The following TC2N variants were observed in gnomAD, a reference collection of about 807,000 sequenced individuals.
TC2N encodes tandem C2 domains nuclear protein.
A neutral mutation model predicts 61.9 loss-of-function variants in TC2N; 51 were observed. The observed-to-expected ratio is 0.82, with a 90% confidence interval of 0.66 to 1.04. TC2N has a LOEUF of 1.04. Among genes scored for constraint, TC2N ranks in the 50% least tolerant of loss-of-function variants. TC2N has a pLI of 0.00. For missense variants in TC2N, 556 were observed against 566.7 expected (o/e 0.98, Z 0.19); for synonymous variants, 204 against 192.6 (o/e 1.06, Z -0.49).
At chr14:91,815,559 C>A (rs1886969898) in intron 1 of TC2N, among the ~76,000 whole-genome samples, 1 of 151,592 alleles carries the variant, frequency 6.6e-6, no homozygotes, top group Non-Finnish European at 1.5e-5. Context: ...AAATGCACTG[C>A]CTTCATTTAT....
chr14:91,817,423 T>TA lies in TC2N; in HGVS notation c.-56-3599dup, dbSNP rs948570954. 3.9e-3 allele frequency among the ~76,000 whole-genome samples: 569 copies of TA among 146,548 alleles called. 2 individuals carry two copies. Among genetic ancestry groups the TA allele is most frequent in the African/African-American group, 0.012 (497 of 40,190 alleles). The stretch of plus-strand genomic sequence containing the variant: ...CTCATCTCTAAATGTCTAGTGTCTT[T>TA]AAAAAAAAAAAGTTTAACATTTTTC... On this transcript the variant is annotated intron_variant, in intron 1 of 11. Coordinates refer to ENST00000435962, the MANE Select transcript of TC2N (RefSeq NM_001128596.3).
chr14:91,856,209 C>T (rs1254416417), intron 1 of TC2N, among the ~76,000 whole-genome samples: 1 of 152,098 alleles, frequency 6.6e-6, no homozygotes, highest in Non-Finnish European at 1.5e-5. Flanking sequence ...CTTTTAAGGG[C>T]CAGGCGTCCT....
At chr14:91,846,588 G>C (rs1353657816) in intron 1 of TC2N, among the ~76,000 whole-genome samples, 1 of 152,166 alleles carries the variant, frequency 6.6e-6, no homozygotes, top group South Asian at 2.1e-4. Context: ...CTGGAGTAAA[G>C]CTCCCACGTG....
At chr14:91,802,648 C>T (rs1486834296) in intron 3 of TC2N, among the ~76,000 whole-genome samples, 1 of 151,956 alleles carries the variant, frequency 6.6e-6, no homozygotes, top group Non-Finnish European at 1.5e-5. Context: ...ATATTTCTGG[C>T]ATTTTTCTTT....
At chr14:91,853,347 G>A (rs1888411628) in intron 1 of TC2N, among the ~76,000 whole-genome samples, 1 of 152,100 alleles carries the variant, frequency 6.6e-6, no homozygotes, top group Non-Finnish European at 1.5e-5. Context: ...GTGTAGGAGT[G>A]AAGGTGCCAG....
chr14:91,802,336 T>C lies in TC2N; in HGVS notation c.387A>G (p.Pro129=), dbSNP rs1372670380. 1 of 1,610,524 alleles carries C rather than the reference T, an allele frequency of 6.2e-7. No individual in the cohort carries two copies. The highest frequency in any genetic ancestry group is 8.5e-7 in the Non-Finnish European group (1 of 1,178,870). Residue 129 remains proline (P), a synonymous_variant, in exon 4 of 12, where the codon CCA becomes CCG. Coordinates refer to ENST00000435962, the MANE Select transcript of TC2N (RefSeq NM_001128596.3). ...QHGPSYDVYN[P]FYMYQHISPD... ...GTGAAATGTGCTGATACATATAGAA[T>C]GGGTTATACACATCATAGCTAGGTC...
intron 1 of TC2N, among the ~76,000 whole-genome samples, chr14:91,862,582 C>A (rs1009223515): frequency 1.3e-5 from 2 of 152,196 alleles, no homozygotes; most frequent in South Asian, 2.1e-4. Flanking sequence ...AGGATGGAAG[C>A]CTCCTGCTGC....
intron 8 of TC2N, 95 bp downstream of exon 8, chr14:91,797,690 A>G (rs1885963097): frequency 2.4e-6 from 2 of 824,902 alleles, no homozygotes; most frequent in African/African-American, 1.8e-5. Flanking sequence ...CTAAGATAAA[A>G]GACTTTCTTA....
At chr14:91,801,070 A>G (rs923739578) in intron 4 of TC2N, among the ~76,000 whole-genome samples, 14 of 121,866 alleles carry the variant, frequency 1.1e-4, no homozygotes, top group African/African-American at 2.9e-4. Flanking sequence ...ATACATATAT[A>G]TGTGTGTGTG....
At chr14:91,816,650 C>A (rs968249308) in intron 1 of TC2N, among the ~76,000 whole-genome samples, 1 of 151,836 alleles carries the variant, frequency 6.6e-6, no homozygotes, top group Non-Finnish European at 1.5e-5. Flanking sequence ...CCCATGTTTT[C>A]TTCCAGTACT....
intron 1 of TC2N, among the ~76,000 whole-genome samples, chr14:91,846,461 A>T (rs745666187): frequency 3.9e-5 from 6 of 152,148 alleles, no homozygotes; most frequent in African/African-American, 1.4e-4. Context: ...CCTCGGCTGC[A>T]CTGGCTTCAC....
rs545502486 is a variant in TC2N at position 91,805,400 on chromosome 14, G to A, written c.302-2979C>T. ...TTTAAAAGTTTAGGCCAGGCATGGC[G>A]GCTTACGCCTGTAATCCCAGCACTT... On this transcript the variant is annotated intron_variant, in intron 3 of 11. Coordinates refer to ENST00000435962, the MANE Select transcript of TC2N (RefSeq NM_001128596.3). Among the ~76,000 whole-genome samples, 12 of 152,334 alleles carry A rather than the reference G, an allele frequency of 7.9e-5. No homozygotes were observed. In the East Asian group the frequency reaches 9.6e-4, roughly 12 times the overall value.
At position 91,790,351 on chromosome 14, in the gene TC2N, T is replaced by C. The variant is rs561465907; in HGVS notation, c.1047+2016A>G. Among the ~76,000 whole-genome samples the C allele has an allele frequency of 5.9e-5, 9 of 152,322 alleles. No homozygotes were observed. The South Asian group carries it at 1.7e-3, about 28-fold the overall frequency. On this transcript the variant is annotated intron_variant, in intron 9 of 11. Coordinates refer to ENST00000435962, the MANE Select transcript of TC2N (RefSeq NM_001128596.3). ...GTGTGGATGGGAAAGTACGGCTCTT[T>C]AGACATCACTATTAGAATATTTATT... is the stretch of plus-strand genomic sequence containing the variant.
chr14:91,807,285 T>C (rs1180435389), intron 3 of TC2N, among the ~76,000 whole-genome samples: 1 of 152,124 alleles, frequency 6.6e-6, no homozygotes, highest in Non-Finnish European at 1.5e-5. Flanking sequence ...CTAGTAGAGC[T>C]GTGAGAAGAA....
intron 1 of TC2N, among the ~76,000 whole-genome samples, chr14:91,816,623 A>C (rs915587907): frequency 6.6e-6 from 1 of 151,916 alleles, no homozygotes; most frequent in Non-Finnish European, 1.5e-5. Flanking sequence ...GTGTTATACA[A>C]ATCATAAAAT....
At chr14:91,795,298 G>A (rs886745160) in intron 8 of TC2N, among the ~76,000 whole-genome samples, 23 of 152,272 alleles carry the variant, frequency 1.5e-4, no homozygotes, top group African/African-American at 5.5e-4. Flanking sequence ...AGCAACAGCA[G>A]GGTTTGAGAG....
intron 1 of TC2N, among the ~76,000 whole-genome samples, chr14:91,835,575 T>C (rs1324992497): frequency 6.6e-6 from 1 of 151,856 alleles, no homozygotes; most frequent in Non-Finnish European, 1.5e-5. Context: ...CCCAGATGTC[T>C]ATCGGTGTGC....
rs545061061 is a variant in TC2N at position 91,780,374 on chromosome 14, G to T, written c.*2726C>A. On this transcript the variant is annotated 3_prime_UTR_variant, in exon 12 of 12. Coordinates refer to ENST00000435962, the MANE Select transcript of TC2N (RefSeq NM_001128596.3). ...TATTTAAACAGAACTTCAGTTTAGG[G>T]TCTTTTCAGACCACAATTATATAAC... 1.3e-5 allele frequency: 2 copies of T among 152,288 alleles called. No individual in the cohort carries two copies. The highest frequency in any genetic ancestry group is 1.5e-5 in the Non-Finnish European group (1 of 68,014). The allele number at this position is 152,288 out of a possible 1,614,324, so 9.4% of individuals were successfully genotyped here. A position where few individuals can be genotyped will look rare whatever the true frequency, so the allele number is the denominator to read the frequency against.
Position 91,813,642 on chromosome 14 carries a change from C to T in TC2N, c.67+61G>A, listed in dbSNP as rs201414645. On this transcript the variant is annotated intron_variant, in intron 2 of 11. Transcript: ENST00000435962. ...AAAACATGCCTAATTCTTTATATTA[C>T]AAAATGCCACAAATGAAGAAGATGC... is the stretch of plus-strand genomic sequence containing the variant. 42 of 1,240,072 alleles carry T rather than the reference C, an allele frequency of 3.4e-5. No individual in the cohort carries two copies. In the East Asian group the frequency reaches 9.8e-4, roughly 29 times the overall value. The allele number at this position is 1,240,072 out of a possible 1,614,324, so 76.8% of individuals were successfully genotyped here.
Sources: allele counts gnomAD v4.1 joint callset (sites outside exome capture counted in the v4.1 genomes callset), GRCh38; gene constraint gnomAD v4.1.1; transcripts MANE v1.5; gene names NCBI Gene and HGNC (gene_info 2026-07-23, HGNC 2026-07-21).